UFC1: variants seen among roughly 807,000 people sequenced by gnomAD.
UFC1 encodes the protein ubiquitin-fold modifier-conjugating enzyme 1.
A neutral mutation model predicts 28.0 loss-of-function variants in UFC1; 22 were observed. That is an observed-to-expected ratio of 0.78 (90% CI 0.56 to 1.12). UFC1 has a LOEUF of 1.12. UFC1 is among the 50% of genes most tolerant of loss of function. The probability of loss-of-function intolerance (pLI) is 0.00; values close to 1 mark genes in which losing one functional copy is unlikely to be tolerated. For synonymous variants in UFC1, 61 were observed against 74.5 expected, an observed-to-expected ratio of 0.82 and a Z score of 0.93; for missense variants, 189 against 207.8, an observed-to-expected ratio of 0.91 and a Z score of 0.56.
rs1003326644 is a variant in UFC1, at chr1:161,154,233, A to C, written c.123+113A>C. The C allele has an allele frequency of 4.7e-6, 7 of 1,489,034 alleles. No individual in the cohort carries two copies. The Admixed American group carries it at 7.8e-5, about 16-fold the overall frequency. 92.2% of individuals were successfully genotyped at this position (1,489,034 alleles called of 1,614,324 possible). A position where few individuals can be genotyped will look rare whatever the true frequency, so the allele number is the denominator to read the frequency against. On this transcript the variant is annotated intron_variant, in intron 1 of 5. Transcript: ENST00000368003. ...TTCCGGTTTTTAAGTTTAACGCCCAAATTCATAGAAATGGGACTATTGTGG... is the reference window on the plus strand; with the variant it reads ...TTCCGGTTTTTAAGTTTAACGCCCACATTCATAGAAATGGGACTATTGTGG...
intron 3 of UFC1, 107 bp downstream of exon 3, chr1:161,157,424 G>A (rs1657548423): frequency 6.7e-7 from 1 of 1,482,612 alleles, no homozygotes; most frequent in African/African-American, 1.4e-5. Flanking sequence ...CTTTAAAAAT[G>A]GGAGAGAAAA....
chr1:161,157,190 C>G (rs1316119280), intron 2 of UFC1, 64 bp from the exon 3 acceptor site: 9 of 1,606,312 alleles, frequency 5.6e-6, no homozygotes, highest in Non-Finnish European at 7.7e-6. Context: ...GTGGCCTAAG[C>G]CAAGATATCA....
In UFC1 at chr1:161,157,328, T is replaced by C. The variant is rs776075286; in HGVS notation, c.255+11T>C. 4 of 1,614,130 alleles carry C rather than the reference T, an allele frequency of 2.5e-6. No homozygotes were observed. Among genetic ancestry groups the C allele is most frequent in the South Asian group, 1.1e-5 (1 of 91,088 alleles). On this transcript the variant is annotated intron_variant, in intron 3 of 5. Transcript: ENST00000368003. ...GACATCGAGTTTGACGTGAGTGTGA[T>C]AGAGTGGGAAATATGAAGGTTAGTA... is the stretch of plus-strand genomic sequence containing the variant.
intron 1 of UFC1, among the ~76,000 whole-genome samples, chr1:161,155,189 C>T (rs1275465669): frequency 6.6e-6 from 1 of 152,180 alleles, no homozygotes; most frequent in Non-Finnish European, 1.5e-5. Flanking sequence ...AGGAGACATC[C>T]AGTTTGCATT....
Position 161,154,071 on chromosome 1 carries a change from G to A in UFC1, c.74G>A (p.Arg25His). 6.2e-7 allele frequency: 1 copy of A among 1,614,094 alleles called. No individual in the cohort carries two copies. Among genetic ancestry groups the A allele is most frequent in the Non-Finnish European group, 8.5e-7 (1 of 1,180,022 alleles). Reference sequence around the variant, plus strand: ...AAGACTAACGCCGGACCCCGAGATCGTGAGTTGTGGGTGCAGCGACTGAAG... The same window carrying A: ...AAGACTAACGCCGGACCCCGAGATCATGAGTTGTGGGTGCAGCGACTGAAG... ...VLKTNAGPRD[R>H]ELWVQRLKEE... The change falls in exon 1 of 6, where the codon CGT becomes CAT. Residue 25 changes from arginine to histidine, a missense_variant. By Grantham distance (29) the Arg-to-His change is conservative. Coordinates refer to ENST00000368003, the MANE Select transcript of UFC1 (RefSeq NM_016406.4).
At chr1:161,154,417 G>A (rs947737246) in intron 1 of UFC1, among the ~76,000 whole-genome samples, 1 of 152,128 alleles carries the variant, frequency 6.6e-6, no homozygotes, top group African/African-American at 2.4e-5. Context: ...TTGTTCACCT[G>A]GATGTGAACA....
intron 1 of UFC1, among the ~76,000 whole-genome samples, chr1:161,155,279 T>A (rs1472223197): frequency 1.3e-5 from 2 of 152,076 alleles, no homozygotes; most frequent in Admixed American, 1.3e-4. Context: ...TGATAAAACA[T>A]AAGAGTAGAA....
chr1:161,157,176 G>C (rs532997448), intron 2 of UFC1, 78 bp from the exon 3 acceptor site: 1 of 1,586,576 alleles, frequency 6.3e-7, no homozygotes, highest in Non-Finnish European at 8.7e-7. Context: ...AGTCTCCCAG[G>C]CTGGTGGCCT....
At chr1:161,156,026 C>T (rs1195111797) in intron 1 of UFC1, among the ~76,000 whole-genome samples, 3 of 152,110 alleles carry the variant, frequency 2.0e-5, no homozygotes, top group Non-Finnish European at 2.9e-5. Flanking sequence ...AAGGGAGTTA[C>T]CCAGGGAAGG....
rs142789001 is a variant in UFC1 at position 161,156,979 on chromosome 1, C to T, written c.153C>T (p.Asn51=). 7.7e-4 allele frequency: 1,237 copies of T among 1,614,228 alleles called. 11 individuals are homozygous for T. In the African/African-American group the frequency reaches 0.014, roughly 18 times the overall value. The change falls in exon 2 of 6, where the codon AAC becomes AAT. Residue 51 remains asparagine (N), a synonymous_variant. Transcript: ENST00000368003. ...RYVENNKNAD[N]DWFRLESNKE... ...TGGAGAACAACAAGAATGCTGACAA[C>T]GATTGGTTCCGACTGGAGTCCAACA...
chr1:161,154,664 C>T (rs1250993795), intron 1 of UFC1, among the ~76,000 whole-genome samples: 4 of 151,994 alleles, frequency 2.6e-5, no homozygotes, highest in Non-Finnish European at 5.9e-5. Context: ...TTTGTATTTT[C>T]AGTAGAGACG....
chr1:161,157,068 G>A (rs1489403306), intron 2 of UFC1, 51 bp downstream of exon 2: 4 of 1,584,430 alleles, frequency 2.5e-6, no homozygotes, highest in Non-Finnish European at 3.5e-6. Context: ...TATGAGTTAG[G>A]CAATTTGGTA....
At chr1:161,154,468 C>T (rs888581527) in intron 1 of UFC1, among the ~76,000 whole-genome samples, 1 of 152,046 alleles carries the variant, frequency 6.6e-6, no homozygotes, top group Non-Finnish European at 1.5e-5. Flanking sequence ...CATCTCTCTG[C>T]CCCCTTCTTC....
At position 161,158,532 on chromosome 1, in the gene UFC1, A is replaced by G; in HGVS notation, c.*40A>G. 6 of 1,602,652 alleles carry G rather than the reference A, an allele frequency of 3.7e-6. No individual in the cohort carries two copies. The highest frequency in any genetic ancestry group is 5.1e-6 in the Non-Finnish European group (6 of 1,169,708). On this transcript the variant is annotated 3_prime_UTR_variant, in exon 6 of 6. Coordinates refer to ENST00000368003, the MANE Select transcript of UFC1 (RefSeq NM_016406.4). ...GAGGCAGGGCAGAGGGACCTTTGATAGGCTACGATACTATTTTCCTGTGCA... is the reference window on the plus strand; with the variant it reads ...GAGGCAGGGCAGAGGGACCTTTGATGGGCTACGATACTATTTTCCTGTGCA...
intron 1 of UFC1, among the ~76,000 whole-genome samples, chr1:161,155,324 G>A (rs1406527812): frequency 1.3e-5 from 2 of 152,218 alleles, no homozygotes; most frequent in African/African-American, 2.4e-5. Context: ...CATGAGCAAA[G>A]GCATAGAATC....
intron 3 of UFC1, 136 bp from the exon 4 acceptor site, chr1:161,157,481 C>A: frequency 8.0e-7 from 1 of 1,250,798 alleles, no homozygotes; most frequent in South Asian, 1.3e-5. Context: ...ATCTCCACAT[C>A]CAGAATCCTG....
chr1:161,155,633 TCTAAA>T (rs1054419122), intron 1 of UFC1, among the ~76,000 whole-genome samples: 1 of 152,082 alleles, frequency 6.6e-6, no homozygotes, highest in African/African-American at 2.4e-5. Context: ...CAAAAGGCAA[TCTAAA>T]CTAGGCAGTT....
chr1:161,158,834 A>C lies in UFC1; in HGVS notation c.*342A>C. On this transcript the variant is annotated 3_prime_UTR_variant, in exon 6 of 6. Transcript: ENST00000368003. ...TTCTGGTTTCTGGAGATAACCCATC[A>C]ATAAAAGCTGCTTCCTCTGGTAGCC... The C allele has an allele frequency of 3.8e-6, 1 of 266,038 alleles. No homozygotes were observed. Among genetic ancestry groups the C allele is most frequent in the South Asian group, 4.6e-5 (1 of 21,628 alleles). The allele number at this position is 266,038 out of a possible 1,614,324, so 16.5% of individuals were successfully genotyped here. A position where few individuals can be genotyped will look rare whatever the true frequency, so the allele number is the denominator to read the frequency against.
intron 1 of UFC1, among the ~76,000 whole-genome samples, chr1:161,155,663 G>A (rs371949467): frequency 2.0e-4 from 30 of 152,328 alleles, no homozygotes; most frequent in African/African-American, 7.2e-4. Flanking sequence ...GGATAGAGAG[G>A]AGAGGTAGAT....
Sources: allele counts gnomAD v4.1 joint callset (sites outside exome capture counted in the v4.1 genomes callset), GRCh38; gene constraint gnomAD v4.1.1; transcripts MANE v1.5; gene names NCBI Gene and HGNC (gene_info 2026-07-23, HGNC 2026-07-21).